Variants in LRP5 observed in about 807,000 individuals in gnomAD.
LRP5 encodes the protein LDL receptor related protein 5.
In LRP5, 62 loss-of-function variants were observed where a neutral mutation model predicts 154.1. The observed-to-expected ratio is 0.40, with a 90% confidence interval of 0.33 to 0.50. LRP5 has a LOEUF of 0.50. Ranked by LOEUF, LRP5 falls within the 20% of genes least tolerant of loss-of-function variation. The pLI is 0.55. For missense variants in LRP5, 1,915 were observed against 2,336.7 expected, an observed-to-expected ratio of 0.82 and a Z score of 3.72; for synonymous variants, 966 against 1,011.5, an observed-to-expected ratio of 0.96 and a Z score of 0.85.
intron 1 of LRP5, among the ~76,000 whole-genome samples, chr11:68,313,467 C>T (rs930814417): frequency 1.3e-5 from 2 of 152,082 alleles, no homozygotes; most frequent in African/African-American, 4.8e-5. Context: ...GATCGCGGGG[C>T]AGTGGGGGAG....
At chr11:68,308,113 G>A (rs1255673705), upstream of LRP5, among the ~76,000 whole-genome samples, 1 of 152,250 alleles carries the variant, frequency 6.6e-6, no homozygotes, top group Non-Finnish European at 1.5e-5. Context: ...CCTGTTTTGG[G>A]GAGAGGCCTG....
In LRP5 at chr11:68,403,597, A is replaced by G. The variant is rs1489390594; in HGVS notation, c.1699A>G (p.Ser567Gly). ...FIYWTDWQRR[S>G]IERVHKVKAS... is the part of the protein sequence containing the mutation. ...CTACTGGACTGACTGGCAGCGCCGC[A>G]GCATCGAGCGGGTGCACAAGGTCAA... Residue 567 changes from serine (S) to glycine (G), a missense_variant, in exon 8 of 23, where the codon AGC becomes GGC. Physicochemically the swap from Ser to Gly is moderately conservative, Grantham distance 56. Around this residue, in one of 3 missense-constraint regions of LRP5, gnomAD observed 773 missense variants for 1,100.9 expected, o/e 0.70. Transcript: ENST00000294304. 6.2e-7 allele frequency: 1 copy of G among 1,614,196 alleles called. No individual in the cohort carries two copies. Among genetic ancestry groups the G allele is most frequent in the South Asian group, 1.1e-5 (1 of 91,092 alleles).
chr11:68,420,253 T>C (rs1448769439), intron 13 of LRP5, among the ~76,000 whole-genome samples: 2 of 152,220 alleles, frequency 1.3e-5, no homozygotes, highest in Non-Finnish European at 2.9e-5. Context: ...CATTCTACTT[T>C]GTATCTCTCT....
intron 1 of LRP5, among the ~76,000 whole-genome samples, chr11:68,342,230 C>G (rs1285713335): frequency 1.3e-5 from 2 of 152,148 alleles, no homozygotes; most frequent in African/African-American, 4.8e-5. Context: ...TTCCCTTCTA[C>G]TCTGCTACTC....
In LRP5 at chr11:68,423,308, A is replaced by C. The variant is rs1177065323; in HGVS notation, c.3028-181A>C. On this transcript the variant is annotated intron_variant, in intron 13 of 22. Coordinates refer to ENST00000294304, the MANE Select transcript of LRP5 (RefSeq NM_002335.4). This position sits in a 1 kb window ranked among gnomAD's most constrained non-coding sequence, Gnocchi z 4.7. ...AATACTGGGATTTGACTTTCAGGCT[A>C]AACTTGAGAAGTGTGGCCTCTGCTG... 6.6e-6 allele frequency among the ~76,000 whole-genome samples: 1 copy of C among 152,144 alleles called. No homozygotes were observed. The highest frequency in any genetic ancestry group is 1.5e-5 in the Non-Finnish European group (1 of 68,010).
the LRP5 span, among the ~76,000 whole-genome samples, chr11:68,306,956 T>TA: frequency 2.0e-5 from 3 of 152,246 alleles, no homozygotes; most frequent in Non-Finnish European, 4.4e-5. Context: ...GAATCCATGT[T>TA]AATCACAATT....
intron 3 of LRP5, among the ~76,000 whole-genome samples, chr11:68,363,467 G>T (rs1267998041): frequency 6.6e-6 from 1 of 152,124 alleles, no homozygotes; most frequent in Admixed American, 6.5e-5. Context: ...GACCAGCCTT[G>T]CCAACATGAT....
rs1490456376 is a variant in LRP5 at position 68,424,958 on chromosome 11, C to T, written c.3237-144C>T. On this transcript the variant is annotated intron_variant, in intron 14 of 22. Coordinates refer to ENST00000294304, the MANE Select transcript of LRP5 (RefSeq NM_002335.4). ...GAGCGGGAATTTGGAGAGCATTGTT[C>T]AACTAGTATAGAATGTGACCTGTCA... 6.1e-6 allele frequency: 4 copies of T among 658,412 alleles called. No homozygotes were observed. In the African/African-American group the frequency reaches 7.1e-5, roughly 12 times the overall value. 40.8% of individuals were successfully genotyped at this position (658,412 alleles called of 1,614,324 possible).
rs577519439 is a variant in LRP5, at chr11:68,423,609, G to A, written c.3148G>A (p.Val1050Ile). The change falls in exon 14 of 23, where the codon GTC becomes ATC. Residue 1050 changes from valine to isoleucine, a missense_variant. This residue lies in a region of LRP5 where 1,094 missense variants were observed against 1,210.1 expected (regional missense o/e 0.90). Transcript: ENST00000294304. The surrounding 1 kb of genome is among the most constrained non-coding windows in gnomAD (Gnocchi z 4.7). ...WTCEATNTIN[V>I]HRLSGEAMGV... ...GTGCGAGGCCACCAATACCATCAAC[G>A]TCCACAGGCTGAGCGGGGAAGCCAT... 2.3e-5 allele frequency: 37 copies of A among 1,614,192 alleles called. No homozygotes were observed. The Admixed American group carries it at 3.0e-4, about 13-fold the overall frequency.
chr11:68,436,157 T>C (rs653056), intron 18 of LRP5, among the ~76,000 whole-genome samples: 55,074 of 152,170 alleles, frequency 0.36, 11,198 homozygotes, highest in African/African-American at 0.53. Flanking sequence ...TCTGGCTGCA[T>C]GCTCTGTTCC....
At chr11:68,420,602 G>T (rs925753531) in intron 13 of LRP5, among the ~76,000 whole-genome samples, 1 of 152,012 alleles carries the variant, frequency 6.6e-6, no homozygotes, top group Non-Finnish European at 1.5e-5. Flanking sequence ...TACTCAGGAG[G>T]CTGAGGCAGG....
chr11:68,357,856 C>T lies in LRP5; in HGVS notation c.686+9C>T. Reference sequence around the variant, plus strand: ...CTGGACGGCTCGTTCCGGTAGGTACCCACGCAGTCCTGGGGCACCCCTTTC... The same window carrying T: ...CTGGACGGCTCGTTCCGGTAGGTACTCACGCAGTCCTGGGGCACCCCTTTC... On this transcript the variant is annotated intron_variant, in intron 3 of 22. Coordinates refer to ENST00000294304, the MANE Select transcript of LRP5 (RefSeq NM_002335.4). 2 of 1,606,582 alleles carry T rather than the reference C, an allele frequency of 1.2e-6. No individual in the cohort carries two copies. Among genetic ancestry groups the T allele is most frequent in the Non-Finnish European group, 1.7e-6 (2 of 1,176,950 alleles).
intron 2 of LRP5, among the ~76,000 whole-genome samples, chr11:68,354,390 G>C (rs2098621330): frequency 6.6e-6 from 1 of 152,206 alleles, no homozygotes; most frequent in Non-Finnish European, 1.5e-5. Context: ...CCATGCGGAG[G>C]CTCCTGCTCC....
At chr11:68,323,478 CA>C (rs1474331699) in intron 1 of LRP5, among the ~76,000 whole-genome samples, 1 of 150,818 alleles carries the variant, frequency 6.6e-6, no homozygotes, top group East Asian at 2.0e-4. Flanking sequence ...GTGGTGCCAT[CA>C]CAGCCTACTG....
chr11:68,421,349 G>T (rs2098665522), intron 13 of LRP5, among the ~76,000 whole-genome samples: 1 of 152,168 alleles, frequency 6.6e-6, no homozygotes, highest in African/African-American at 2.4e-5. Context: ...GTGTGGCCAG[G>T]GTGTCACGTC....
In LRP5 at chr11:68,423,365, G is replaced by A. The variant is rs960600527; in HGVS notation, c.3028-124G>A. 5.8e-6 allele frequency: 5 copies of A among 867,074 alleles called. No homozygotes were observed. The highest frequency in any genetic ancestry group is 3.5e-5 in the Admixed American group (2 of 56,842). 53.7% of individuals were successfully genotyped at this position (867,074 alleles called of 1,614,324 possible). On this transcript the variant is annotated intron_variant, in intron 13 of 22. Transcript: ENST00000294304. The surrounding 1 kb of genome is among the most constrained non-coding windows in gnomAD (Gnocchi z 4.7). ...CAGAGCTCTCCAGCCAGTGCCCAGG[G>A]CTCTCCAGCCAGTGCCCGGGGGTCT...
intron 1 of LRP5, among the ~76,000 whole-genome samples, chr11:68,338,140 TC>T (rs2098606769): frequency 6.6e-6 from 1 of 152,206 alleles, no homozygotes; most frequent in South Asian, 2.1e-4. Flanking sequence ...GGACGCAGGA[TC>T]ATTCCTGACT....
intron 1 of LRP5, among the ~76,000 whole-genome samples, chr11:68,318,897 T>A (rs1157327293): frequency 6.6e-6 from 1 of 152,094 alleles, no homozygotes; most frequent in East Asian, 1.9e-4. Flanking sequence ...CTCAGTTTCC[T>A]TTTTTTGTAA....
At chr11:68,318,461 C>T (rs1466212505) in intron 1 of LRP5, among the ~76,000 whole-genome samples, 5 of 151,844 alleles carry the variant, frequency 3.3e-5, no homozygotes, top group African/African-American at 1.2e-4. Context: ...CACCTCAGCC[C>T]GCAAGTAGTT....
Sources: gnomAD v4.1 joint callset for allele counts (sites outside exome capture counted in the v4.1 genomes callset) on GRCh38, gnomAD v4.1.1 for gene constraint, gnomAD v4.1.1 regional missense constraint, Gnocchi (gnomAD v3.1) non-coding constraint, MANE v1.5 for transcripts, NCBI Gene and HGNC (gene_info 2026-07-23, HGNC 2026-07-21) for gene names.